The following ERP44 variants were observed in gnomAD, a reference collection of about 807,000 sequenced individuals.
The protein encoded by ERP44 is endoplasmic reticulum protein 44.
In ERP44, 25 loss-of-function variants were observed where a neutral mutation model predicts 53.4. The ratio of observed to expected loss-of-function variants is 0.47; its 90% CI spans 0.34 to 0.65. The LOEUF (loss-of-function observed/expected upper bound fraction) is 0.65. ERP44 is among the 30% of genes least tolerant of loss of function. ERP44 has a pLI of 0.01. For missense variants in ERP44, 338 were observed against 493.2 expected, an observed-to-expected ratio of 0.69 and a Z score of 2.98; for synonymous variants, 145 against 161.2, an observed-to-expected ratio of 0.90 and a Z score of 0.76.
At chr9:100,081,872 T>C (rs891950899) in intron 1 of ERP44, among the ~76,000 whole-genome samples, 1 of 152,098 alleles carries the variant, frequency 6.6e-6, no homozygotes, top group Non-Finnish European at 1.5e-5. Flanking sequence ...GGAGATAAAA[T>C]TGCCACTCAC....
At chr9:99,986,772 G>C (rs1830199171) in intron 10 of ERP44, among the ~76,000 whole-genome samples, 1 of 152,210 alleles carries the variant, frequency 6.6e-6, no homozygotes, top group Non-Finnish European at 1.5e-5. Flanking sequence ...CTGTCAGGTA[G>C]CTGTATTGAC....
intron 11 of ERP44, among the ~76,000 whole-genome samples, chr9:99,984,559 A>G (rs1443957310): frequency 1.3e-5 from 2 of 152,220 alleles, no homozygotes; most frequent in African/African-American, 4.8e-5. Context: ...TTTAGCAAGA[A>G]TAACAAATCA....
chr9:99,979,634 A>C lies in ERP44; in HGVS notation c.*2978T>G. 3.7e-6 allele frequency: 1 copy of C among 267,630 alleles called. No individual in the cohort carries two copies. Among genetic ancestry groups the C allele is most frequent in the Non-Finnish European group, 6.9e-6 (1 of 143,954 alleles). The allele number at this position is 267,630 out of a possible 1,614,324, so 16.6% of individuals were successfully genotyped here. ...CCCTCACAATTTGAAAAACTCGAAG[A>C]GGTAGCTGGCTAAGAAGCAGAAAGG... On this transcript the variant is annotated 3_prime_UTR_variant, in exon 12 of 12. Coordinates refer to ENST00000262455, the MANE Select transcript of ERP44 (RefSeq NM_015051.3).
chr9:99,994,309 A>G (rs897065644), intron 10 of ERP44, among the ~76,000 whole-genome samples: 3 of 152,248 alleles, frequency 2.0e-5, no homozygotes, highest in African/African-American at 7.2e-5. Flanking sequence ...ACACCGTGGA[A>G]TACTATGCAG....
intron 1 of ERP44, among the ~76,000 whole-genome samples, chr9:100,067,890 C>T (rs1826239476): frequency 6.6e-6 from 1 of 151,078 alleles, no homozygotes; most frequent in South Asian, 2.1e-4. Context: ...GCCGCCCCGC[C>T]TGAGAAGTGA....
intron 4 of ERP44, among the ~76,000 whole-genome samples, chr9:100,045,162 T>C (rs1236137699): frequency 6.6e-6 from 1 of 152,152 alleles, no homozygotes; most frequent in Non-Finnish European, 1.5e-5. Flanking sequence ...TGCTCTCTCC[T>C]ACCTCAGAAA....
chr9:100,026,514 A>G (rs993674798), intron 4 of ERP44, among the ~76,000 whole-genome samples: 2 of 152,372 alleles, frequency 1.3e-5, no homozygotes, highest in East Asian at 3.9e-4. Context: ...CTATCAGTTT[A>G]TGAAAGAAAC....
At chr9:100,006,682 A>G (rs771778047) in intron 9 of ERP44, 35 bp from the exon 10 acceptor site, 2 of 1,456,388 alleles carry the variant, frequency 1.4e-6, no homozygotes, top group Admixed American at 4.6e-5. Flanking sequence ...GGTAAATTCA[A>G]ATTTTCTTGA....
chr9:100,010,650 C>A (rs1475849712), intron 8 of ERP44, among the ~76,000 whole-genome samples: 1 of 151,982 alleles, frequency 6.6e-6, no homozygotes, highest in African/African-American at 2.4e-5. Flanking sequence ...ACCTGTAATC[C>A]CAGCACTTTG....
intron 1 of ERP44, among the ~76,000 whole-genome samples, chr9:100,061,046 C>A (rs1826140653): frequency 6.6e-6 from 1 of 152,162 alleles, no homozygotes; most frequent in Admixed American, 6.6e-5. Context: ...TACTTCAGCA[C>A]TTATGACAGA....
At chr9:100,018,870 C>A (rs1830554329) in intron 6 of ERP44, among the ~76,000 whole-genome samples, 1 of 152,018 alleles carries the variant, frequency 6.6e-6, no homozygotes, top group African/African-American at 2.4e-5. Flanking sequence ...GGGGTGCTAA[C>A]CTAGATTGAT....
intron 4 of ERP44, among the ~76,000 whole-genome samples, chr9:100,044,720 T>C (rs1378745204): frequency 6.6e-6 from 1 of 152,184 alleles, no homozygotes; most frequent in Non-Finnish European, 1.5e-5. Context: ...TTTCAAAAAC[T>C]CCAAGGAAGT....
Position 100,091,414 on chromosome 9 carries a change from C to T in ERP44, c.57+7370G>A, listed in dbSNP as rs149701060. On this transcript the variant is annotated intron_variant, in intron 1 of 11. Transcript: ENST00000262455. ...AGGCTAGTTAGAACCCACTAAAGAT[C>T]ATGATTTTTATTTTTGCTAAGTTGA... is the stretch of plus-strand genomic sequence containing the variant. 5.3e-3 allele frequency among the ~76,000 whole-genome samples: 801 copies of T among 152,310 alleles called. 8 individuals are homozygous for T. Among genetic ancestry groups the T allele is most frequent in the African/African-American group, 0.018 (730 of 41,580 alleles).
chr9:99,982,420 T>TC lies in ERP44; in HGVS notation c.*191_*192insG, dbSNP rs2118593110. The TC allele has an allele frequency of 3.5e-6, 1 of 283,110 alleles. No homozygotes were observed. The highest frequency in any genetic ancestry group is 6.4e-6 in the Non-Finnish European group (1 of 155,588). The allele number at this position is 283,110 out of a possible 1,614,324, so 17.5% of individuals were successfully genotyped here. A position where few individuals can be genotyped will look rare whatever the true frequency, so the allele number is the denominator to read the frequency against. ...TTTATTTTTAAATCCTAGCAGGTTTTTTTTTTTTAAGAGGCTACTATATTA... is the reference window on the plus strand; with the variant it reads ...TTTATTTTTAAATCCTAGCAGGTTTTCTTTTTTTTAAGAGGCTACTATATTA... On this transcript the variant is annotated 3_prime_UTR_variant, in exon 12 of 12. Transcript: ENST00000262455.
intron 4 of ERP44, among the ~76,000 whole-genome samples, chr9:100,047,525 G>A (rs1564097332): frequency 1.3e-5 from 2 of 152,092 alleles, no homozygotes; most frequent in African/African-American, 4.8e-5. Context: ...AAATAATAAA[G>A]TTGGGCCCTT....
chr9:100,019,476 G>T (rs984336852), intron 6 of ERP44, among the ~76,000 whole-genome samples: 1 of 152,114 alleles, frequency 6.6e-6, no homozygotes, highest in Non-Finnish European at 1.5e-5. Context: ...TCAAAAAATG[G>T]AGAGGATATA....
chr9:100,063,509 T>A (rs1826178433), intron 1 of ERP44, among the ~76,000 whole-genome samples: 1 of 152,202 alleles, frequency 6.6e-6, no homozygotes, highest in Non-Finnish European at 1.5e-5. Context: ...CGGGAAAACA[T>A]CTTCATGTGT....
At chr9:100,067,537 G>A (rs1037603422) in intron 1 of ERP44, among the ~76,000 whole-genome samples, 5 of 152,158 alleles carry the variant, frequency 3.3e-5, no homozygotes, top group Admixed American at 2.0e-4. Flanking sequence ...ATCTCGGCTC[G>A]CCACAACCTC....
chr9:100,061,545 C>T (rs969528663), intron 1 of ERP44, among the ~76,000 whole-genome samples: 31 of 138,152 alleles, frequency 2.2e-4, no homozygotes, highest in African/African-American at 7.0e-4. Flanking sequence ...TTTATAGAAA[C>T]GTATATATTT....
Sources: allele counts gnomAD v4.1 joint callset (sites outside exome capture counted in the v4.1 genomes callset), GRCh38; gene constraint gnomAD v4.1.1; transcripts MANE v1.5; gene names NCBI Gene and HGNC (gene_info 2026-07-23, HGNC 2026-07-21).